NTN1: variants seen among roughly 807,000 people sequenced by gnomAD.
The protein encoded by NTN1 is netrin-1.
A neutral mutation model predicts 54.2 loss-of-function variants in NTN1; 11 were observed. The ratio of observed to expected loss-of-function variants is 0.20; its 90% CI spans 0.13 to 0.34. The LOEUF (loss-of-function observed/expected upper bound fraction) is 0.34. Among genes scored for constraint, NTN1 ranks in the 10% least tolerant of loss-of-function variants. NTN1 has a pLI of 1.00. For missense variants in NTN1, 740 were observed against 893.1 expected, an observed-to-expected ratio of 0.83 and a Z score of 2.18; for synonymous variants, 371 against 382.0, an observed-to-expected ratio of 0.97 and a Z score of 0.33.
intron 2 of NTN1, among the ~76,000 whole-genome samples, chr17:9,111,654 T>A (rs1055657389): frequency 2.6e-5 from 4 of 152,230 alleles, no homozygotes; most frequent in Non-Finnish European, 5.9e-5. Context: ...CAGGAAGGCT[T>A]ACTGATAACA....
chr17:9,043,515 C>T (rs2091929816), intron 2 of NTN1, among the ~76,000 whole-genome samples: 1 of 152,094 alleles, frequency 6.6e-6, no homozygotes, highest in Non-Finnish European at 1.5e-5. Context: ...TCCACTATTC[C>T]AGACTGCTGC....
chr17:9,140,789 T>C (rs2092295461), intron 2 of NTN1, among the ~76,000 whole-genome samples: 1 of 152,206 alleles, frequency 6.6e-6, no homozygotes, highest in African/African-American at 2.4e-5. Flanking sequence ...CTCCCTAGAA[T>C]TCATTACCAC....
intron 5 of NTN1, among the ~76,000 whole-genome samples, chr17:9,196,906 C>T: frequency 6.6e-6 from 1 of 152,148 alleles, no homozygotes; most frequent in South Asian, 2.1e-4. Flanking sequence ...CACCTGCTCC[C>T]ACTGGCTCAC....
rs1019458412 is a variant in NTN1 at position 9,165,468 on chromosome 17, C to T, written c.1207+2467C>T. Among the ~76,000 whole-genome samples, 1 of 152,196 alleles carries T rather than the reference C, an allele frequency of 6.6e-6. No individual in the cohort carries two copies. Among genetic ancestry groups the T allele is most frequent in the East Asian group, 1.9e-4 (1 of 5,200 alleles). On this transcript the variant is annotated intron_variant, in intron 3 of 6. Transcript: ENST00000173229. This position sits in a 1 kb window ranked among gnomAD's most constrained non-coding sequence, Gnocchi z 4.5. ...TAAATGAGGATGTGTTCTTGTTTTACGAGTTACAACATTGTGGCCAGCCTA... is the reference window on the plus strand; with the variant it reads ...TAAATGAGGATGTGTTCTTGTTTTATGAGTTACAACATTGTGGCCAGCCTA...
At chr17:9,028,949 C>G (rs1473822583) in intron 2 of NTN1, among the ~76,000 whole-genome samples, 1 of 151,568 alleles carries the variant, frequency 6.6e-6, no homozygotes, top group African/African-American at 2.4e-5. Flanking sequence ...TTTTTTCATC[C>G]TTTCAGAAGG....
intron 6 of NTN1, among the ~76,000 whole-genome samples, chr17:9,224,330 G>A (rs1267772934): frequency 2.0e-5 from 3 of 152,226 alleles, no homozygotes; most frequent in Middle Eastern, 3.4e-3. Flanking sequence ...CCTTCCCTGC[G>A]CCCTGCCCTG....
chr17:9,065,949 G>C (rs1287611030), intron 2 of NTN1, among the ~76,000 whole-genome samples: 1 of 152,184 alleles, frequency 6.6e-6, no homozygotes, highest in Non-Finnish European at 1.5e-5. Context: ...CCTTTAGCCA[G>C]AGATTAAATC....
At chr17:9,039,336 G>A (rs1384422379) in intron 2 of NTN1, among the ~76,000 whole-genome samples, 2 of 152,116 alleles carry the variant, frequency 1.3e-5, no homozygotes, top group African/African-American at 4.8e-5. Flanking sequence ...GGTGATAGTT[G>A]AAAACATTGT....
chr17:9,192,621 C>T lies in NTN1; in HGVS notation c.1411+9652C>T, dbSNP rs560377871. Among the ~76,000 whole-genome samples the T allele has an allele frequency of 1.8e-4, 28 of 152,188 alleles. No homozygotes were observed. The South Asian group carries it at 3.7e-3, about 20-fold the overall frequency. ...GCTCACGCAACAGAGAAGTACCTGGCCCCAAATGGTGATGGTGCCAAGGGT... is the reference window on the plus strand; with the variant it reads ...GCTCACGCAACAGAGAAGTACCTGGTCCCAAATGGTGATGGTGCCAAGGGT... On this transcript the variant is annotated intron_variant, in intron 5 of 6. Coordinates refer to ENST00000173229, the MANE Select transcript of NTN1 (RefSeq NM_004822.3).
At chr17:9,228,004 C>G (rs994429574) in intron 6 of NTN1, among the ~76,000 whole-genome samples, 1 of 152,154 alleles carries the variant, frequency 6.6e-6, no homozygotes, top group African/African-American at 2.4e-5. Flanking sequence ...CCTCCACACT[C>G]GTTCATTGAG....
chr17:9,092,766 A>AT (rs397827701), intron 2 of NTN1, among the ~76,000 whole-genome samples: 117,663 of 148,814 alleles, frequency 0.79, 46,963 homozygotes, highest in East Asian at 0.95. Context: ...TAATTTTTGT[A>AT]TTTTTTTTTT....
intron 1 of NTN1, among the ~76,000 whole-genome samples, chr17:9,021,868 G>A (rs1411518664): frequency 6.6e-6 from 1 of 152,166 alleles, no homozygotes; most frequent in Non-Finnish European, 1.5e-5. Flanking sequence ...GCCCCCTCCA[G>A]AGGTAAAGTC....
At chr17:9,151,832 G>C (rs1316426607) in intron 2 of NTN1, among the ~76,000 whole-genome samples, 1 of 152,284 alleles carries the variant, frequency 6.6e-6, no homozygotes, top group East Asian at 1.9e-4. Flanking sequence ...ACACCAATCA[G>C]CACTCTGTAG....
chr17:9,049,776 A>T (rs1449102236), intron 2 of NTN1, among the ~76,000 whole-genome samples: 1 of 152,176 alleles, frequency 6.6e-6, no homozygotes, highest in Non-Finnish European at 1.5e-5. Context: ...GCAAGATTTG[A>T]ATAAGGTTTG....
intron 2 of NTN1, among the ~76,000 whole-genome samples, chr17:9,152,791 C>CTT (rs989895150): frequency 1.3e-5 from 2 of 152,160 alleles, no homozygotes; most frequent in Non-Finnish European, 2.9e-5. Context: ...ACGCAGATGT[C>CTT]TTCATTTTTC....
intron 2 of NTN1, among the ~76,000 whole-genome samples, chr17:9,087,580 G>A (rs1044694603): frequency 5.3e-5 from 8 of 152,138 alleles, no homozygotes; most frequent in Non-Finnish European, 1.0e-4. Context: ...GACATCATTT[G>A]GTGTAGGAGT....
intron 5 of NTN1, among the ~76,000 whole-genome samples, chr17:9,184,553 A>T (rs1166260186): frequency 6.6e-6 from 1 of 152,186 alleles, no homozygotes; most frequent in Admixed American, 6.5e-5. Flanking sequence ...CCTGGACAAG[A>T]TTTTAAGGCT....
intron 2 of NTN1, among the ~76,000 whole-genome samples, chr17:9,092,668 A>G (rs2092115774): frequency 6.6e-6 from 1 of 151,956 alleles, no homozygotes; most frequent in African/African-American, 2.4e-5. Flanking sequence ...ATGTCAGCTC[A>G]TTGCAACCTT....
intron 2 of NTN1, among the ~76,000 whole-genome samples, chr17:9,066,998 C>CCCA (rs2092017111): frequency 1.1e-5 from 1 of 89,372 alleles, no homozygotes; most frequent in Admixed American, 1.4e-4. Flanking sequence ...GACTCCATCT[C>CCCA]AAAAAAAAAA....
Sources: allele counts gnomAD v4.1 joint callset (sites outside exome capture counted in the v4.1 genomes callset), GRCh38; gene constraint gnomAD v4.1.1; non-coding constraint Gnocchi (gnomAD v3.1); transcripts MANE v1.5; gene names NCBI Gene and HGNC (gene_info 2026-07-23, HGNC 2026-07-21).